The following ANXA6 variants were observed in gnomAD, a reference collection of about 807,000 sequenced individuals.
ANXA6 encodes the protein 67 kDa calelectrin.
Under a neutral mutation model 95.4 loss-of-function variants are expected in ANXA6, and 71 were observed. The ratio of observed to expected loss-of-function variants is 0.74; its 90% CI spans 0.61 to 0.91. The LOEUF is 0.91. ANXA6 is among the 40% of genes least tolerant of loss of function. ANXA6 has a pLI of 0.00. For missense variants in ANXA6, 830 were observed against 876.4 expected (o/e 0.95, Z 0.67); for synonymous variants, 289 against 315.9 (o/e 0.91, Z 0.90).
intron 1 of ANXA6, among the ~76,000 whole-genome samples, chr5:151,151,704 A>C (rs1456716458): frequency 6.6e-6 from 1 of 152,278 alleles, no homozygotes; most frequent in African/African-American, 2.4e-5. Context: ...TTCACAGCAG[A>C]ATATCAGTCC....
At chr5:151,135,642 C>T (rs1006888520) in intron 7 of ANXA6, among the ~76,000 whole-genome samples, 4 of 152,212 alleles carry the variant, frequency 2.6e-5, no homozygotes, top group South Asian at 2.1e-4. Flanking sequence ...ACGGGCAGGA[C>T]GCATATGCTC....
chr5:151,119,209 C>A (rs1765090616), intron 18 of ANXA6, 91 bp downstream of exon 18: 3 of 1,072,386 alleles, frequency 2.8e-6, no homozygotes, highest in Non-Finnish European at 4.3e-6. Flanking sequence ...AGGAGACAGG[C>A]CAGAGTCCTG....
chr5:151,116,563 C>G (rs1469943093), intron 20 of ANXA6, among the ~76,000 whole-genome samples: 3 of 152,216 alleles, frequency 2.0e-5, no homozygotes, highest in Non-Finnish European at 4.4e-5. Context: ...CCTAGAGAAC[C>G]CTTTTCCCTG....
chr5:151,127,245 C>T (rs569285177), intron 13 of ANXA6, among the ~76,000 whole-genome samples: 1 of 152,372 alleles, frequency 6.6e-6, no homozygotes, highest in African/African-American at 2.4e-5. Context: ...ACTGCATCAA[C>T]CCCTATGGTC....
At chr5:151,146,535 GGA>G (rs1561585665) in intron 2 of ANXA6, among the ~76,000 whole-genome samples, 1 of 152,178 alleles carries the variant, frequency 6.6e-6, no homozygotes, top group Non-Finnish European at 1.5e-5. Context: ...AAGGATGGAT[GGA>G]GTTTTATTAT....
intron 1 of ANXA6, among the ~76,000 whole-genome samples, chr5:151,152,716 G>A (rs1333084778): frequency 1.3e-5 from 2 of 152,060 alleles, no homozygotes; most frequent in African/African-American, 2.4e-5. Flanking sequence ...ATTTTTATTT[G>A]TTATACATGT....
intron 14 of ANXA6, among the ~76,000 whole-genome samples, chr5:151,125,457 A>G (rs1765291807): frequency 6.6e-6 from 1 of 152,206 alleles, no homozygotes; most frequent in South Asian, 2.1e-4. Flanking sequence ...CAACATAATA[A>G]AAACAAAAGA....
intron 23 of ANXA6, among the ~76,000 whole-genome samples, chr5:151,105,799 C>A (rs1764680601): frequency 6.6e-6 from 1 of 152,182 alleles, no homozygotes; most frequent in Non-Finnish European, 1.5e-5. Context: ...ATTCCAGATT[C>A]CAGAGATGCT....
intron 1 of ANXA6, among the ~76,000 whole-genome samples, chr5:151,150,630 C>T (rs749854877): frequency 3.9e-5 from 6 of 152,208 alleles, no homozygotes; most frequent in Non-Finnish European, 7.3e-5. Context: ...AGCTCAGCTT[C>T]AGGAAACCTT....
intron 20 of ANXA6, among the ~76,000 whole-genome samples, chr5:151,115,620 A>G (rs1042187077): frequency 2.0e-5 from 3 of 152,232 alleles, no homozygotes; most frequent in African/African-American, 7.2e-5. Context: ...AAAAACTCTC[A>G]GCAGCACACG....
At chr5:151,121,568 C>G (rs923132444) in intron 17 of ANXA6, among the ~76,000 whole-genome samples, 2 of 152,136 alleles carry the variant, frequency 1.3e-5, no homozygotes, top group Non-Finnish European at 2.9e-5. Flanking sequence ...CAGAGGTGAC[C>G]ATTTCCATTT....
chr5:151,101,098 C>A lies in ANXA6; in HGVS notation c.*350G>T, dbSNP rs763483697. 1 of 497,788 alleles carries A rather than the reference C, an allele frequency of 2.0e-6. No homozygotes were observed. The highest frequency in any genetic ancestry group is 3.9e-6 in the Non-Finnish European group (1 of 257,026). 30.8% of individuals were successfully genotyped at this position (497,788 alleles called of 1,614,324 possible). Reference sequence around the variant, plus strand: ...AACCCCCTCATTCAAAGTACAGACACTACTCATTTTACAGACAGAGGTTCA... The same window carrying A: ...AACCCCCTCATTCAAAGTACAGACAATACTCATTTTACAGACAGAGGTTCA... On this transcript the variant is annotated 3_prime_UTR_variant, in exon 26 of 26. Coordinates refer to ENST00000354546, the MANE Select transcript of ANXA6 (RefSeq NM_001155.5).
chr5:151,153,796 T>C (rs1041030401), intron 1 of ANXA6, among the ~76,000 whole-genome samples: 1 of 152,222 alleles, frequency 6.6e-6, no homozygotes, highest in Non-Finnish European at 1.5e-5. Context: ...TTTCTTTCAA[T>C]ACAAATGTGT....
At chr5:151,123,217 C>T (rs1045292775) in intron 15 of ANXA6, among the ~76,000 whole-genome samples, 12 of 152,180 alleles carry the variant, frequency 7.9e-5, no homozygotes, top group Admixed American at 2.0e-4. Flanking sequence ...CCTTTTGACA[C>T]GCTGAGGAAA....
intron 7 of ANXA6, among the ~76,000 whole-genome samples, chr5:151,135,256 C>T (rs114832153): frequency 0.021 from 3,147 of 152,186 alleles, 114 homozygotes; most frequent in African/African-American, 0.071. Flanking sequence ...ATGTGTGCCG[C>T]GCTGCTGCTT....
At chr5:151,148,049 C>T in intron 1 of ANXA6, 123 bp from the exon 2 acceptor site, 1 of 902,726 alleles carries the variant, frequency 1.1e-6, no homozygotes. Context: ...AAATCAGACC[C>T]AATGACCCAG....
At chr5:151,137,886 G>A (rs1765713851) in intron 5 of ANXA6, among the ~76,000 whole-genome samples, 1 of 152,166 alleles carries the variant, frequency 6.6e-6, no homozygotes, top group Non-Finnish European at 1.5e-5. Flanking sequence ...AGCGATGTGA[G>A]AATGGACTAA....
chr5:151,134,860 C>T (rs550028812), intron 7 of ANXA6, among the ~76,000 whole-genome samples: 6 of 152,182 alleles, frequency 3.9e-5, no homozygotes, highest in Admixed American at 6.5e-5. Context: ...CCTCCAGCAA[C>T]GATTCCACAG....
At position 151,141,474 on chromosome 5, in the gene ANXA6, G is replaced by A. The variant is rs567190218; in HGVS notation, c.19-1231C>T. 209 of 976,316 alleles carry A rather than the reference G, an allele frequency of 2.1e-4. 2 individuals carry two copies. In the African/African-American group the frequency reaches 3.1e-3, roughly 15 times the overall value. 60.5% of individuals were successfully genotyped at this position (976,316 alleles called of 1,614,324 possible). A position where few individuals can be genotyped will look rare whatever the true frequency, so the allele number is the denominator to read the frequency against. On this transcript the variant is annotated intron_variant, in intron 2 of 25. Transcript: ENST00000354546. ...AAACAGCAGAGGCTGATCCAGCTGC[G>A]GGAAATCAGGAAAGAATCCAAAAAA...
Sources: allele counts gnomAD v4.1 joint callset (sites outside exome capture counted in the v4.1 genomes callset), GRCh38; gene constraint gnomAD v4.1.1; transcripts MANE v1.5; gene names NCBI Gene and HGNC (gene_info 2026-07-23, HGNC 2026-07-21).